The following MMP16 variants were observed in gnomAD, a reference collection of about 807,000 sequenced individuals.
MMP16 encodes matrix metalloproteinase-16.
In MMP16, 12 loss-of-function variants were observed where a neutral mutation model predicts 67.8. The observed-to-expected ratio is 0.18, with a 90% CI of 0.11 to 0.29. The LOEUF (loss-of-function observed/expected upper bound fraction) is 0.29. Ranked by LOEUF, MMP16 falls within the 10% of genes least tolerant of loss-of-function variation. The probability of loss-of-function intolerance (pLI) is 1.00; values close to 1 mark genes in which losing one functional copy is unlikely to be tolerated. For missense variants in MMP16, 475 were observed against 765.7 expected (o/e 0.62, Z 4.48); for synonymous variants, 249 against 255.9 (o/e 0.97, Z 0.26).
rs111969921 is a variant in MMP16, at chr8:88,172,005, T to G, written c.405-4032A>C. 5.4e-3 allele frequency among the ~76,000 whole-genome samples: 827 copies of G among 152,218 alleles called. 2 individuals carry two copies. Among genetic ancestry groups the G allele is most frequent in the African/African-American group, 0.019 (771 of 41,512 alleles). On this transcript the variant is annotated intron_variant, in intron 3 of 9. Transcript: ENST00000286614. The stretch of plus-strand genomic sequence containing the variant: ...GTACAGCCAGTGAATTTTTGTATTT[T>G]TGGTAGAGATGAGGTTTCACCATGT...
intron 4 of MMP16, among the ~76,000 whole-genome samples, chr8:88,146,044 T>C (rs1808284886): frequency 6.6e-6 from 1 of 152,042 alleles, no homozygotes; most frequent in Non-Finnish European, 1.5e-5. Context: ...TAATATCATC[T>C]TTCCCATATA....
chr8:88,308,225 C>T (rs1281847446), intron 1 of MMP16, among the ~76,000 whole-genome samples: 1 of 152,094 alleles, frequency 6.6e-6, no homozygotes, highest in Non-Finnish European at 1.5e-5. Context: ...TATCCAAGCT[C>T]CTTGACTTTA....
chr8:88,322,179 G>A (rs186497620), intron 1 of MMP16, among the ~76,000 whole-genome samples: 154 of 152,106 alleles, frequency 1.0e-3, no homozygotes, highest in African/African-American at 3.6e-3. Flanking sequence ...AAGGCCTACT[G>A]AATTATAAAG....
intron 1 of MMP16, among the ~76,000 whole-genome samples, chr8:88,250,627 G>T (rs559408316): frequency 1.3e-5 from 2 of 151,918 alleles, no homozygotes; most frequent in Admixed American, 6.6e-5. Context: ...AGACCAATTA[G>T]TAGGGGCTGA....
chr8:88,139,720 G>T (rs1166742542), intron 4 of MMP16, among the ~76,000 whole-genome samples: 4 of 151,768 alleles, frequency 2.6e-5, no homozygotes, highest in Non-Finnish European at 5.9e-5. Context: ...TAAAAAATTG[G>T]CCATGTTTCA....
At chr8:88,225,035 A>C (rs1809748415) in intron 1 of MMP16, among the ~76,000 whole-genome samples, 1 of 151,966 alleles carries the variant, frequency 6.6e-6, no homozygotes, top group African/African-American at 2.4e-5. Flanking sequence ...CTAACACTTC[A>C]AATCATTTAT....
chr8:88,204,062 C>T (rs1004405689), intron 1 of MMP16, among the ~76,000 whole-genome samples: 1 of 152,166 alleles, frequency 6.6e-6, no homozygotes, highest in Non-Finnish European at 1.5e-5. Flanking sequence ...CTCAGAAAGA[C>T]AGAAATTCAT....
intron 1 of MMP16, among the ~76,000 whole-genome samples, chr8:88,250,777 TTAA>T (rs1232861120): frequency 6.6e-6 from 1 of 151,702 alleles, no homozygotes; most frequent in East Asian, 1.9e-4. Flanking sequence ...CTTTTTTTTT[TTAA>T]TTTTTTTTTA....
intron 4 of MMP16, among the ~76,000 whole-genome samples, chr8:88,149,574 C>T (rs1453496282): frequency 2.0e-5 from 3 of 152,130 alleles, no homozygotes; most frequent in Non-Finnish European, 2.9e-5. Context: ...AGCAGCCTAA[C>T]TGGGAGGCAC....
At chr8:88,188,623 T>C (rs1177935008) in intron 2 of MMP16, among the ~76,000 whole-genome samples, 1 of 152,138 alleles carries the variant, frequency 6.6e-6, no homozygotes, top group Non-Finnish European at 1.5e-5. Flanking sequence ...AAAGATTTCT[T>C]TGTCAAGTGT....
intron 3 of MMP16, among the ~76,000 whole-genome samples, chr8:88,184,930 T>G (rs2129750099): frequency 6.6e-6 from 1 of 152,196 alleles, no homozygotes; most frequent in South Asian, 2.1e-4. Flanking sequence ...GTATAATACT[T>G]TCTTAACTCT....
At chr8:88,240,152 C>A (rs1212382799) in intron 1 of MMP16, among the ~76,000 whole-genome samples, 1 of 152,158 alleles carries the variant, frequency 6.6e-6, no homozygotes, top group East Asian at 1.9e-4. Context: ...ACAGGAAATG[C>A]ACGGACATGA....
intron 1 of MMP16, among the ~76,000 whole-genome samples, chr8:88,213,339 G>A (rs772805593): frequency 7.2e-5 from 11 of 151,948 alleles, no homozygotes; most frequent in Non-Finnish European, 1.6e-4. Flanking sequence ...GTTTGAGAAT[G>A]AGAAAAAATG....
chr8:88,213,121 T>C (rs1165638234), intron 1 of MMP16, among the ~76,000 whole-genome samples: 1 of 152,124 alleles, frequency 6.6e-6, no homozygotes, highest in Non-Finnish European at 1.5e-5. Flanking sequence ...CTAAATGGAT[T>C]TGGGGGCTGT....
intron 4 of MMP16, among the ~76,000 whole-genome samples, chr8:88,145,061 T>A (rs1328718179): frequency 6.6e-6 from 1 of 152,030 alleles, no homozygotes; most frequent in Non-Finnish European, 1.5e-5. Flanking sequence ...CAAACACTAT[T>A]CTATTTTTAA....
intron 1 of MMP16, among the ~76,000 whole-genome samples, chr8:88,311,684 C>T (rs971577608): frequency 2.0e-5 from 3 of 151,160 alleles, no homozygotes; most frequent in Non-Finnish European, 4.4e-5. Context: ...GGATATAAAC[C>T]ATAATAGAAG....
At chr8:88,194,093 A>C (rs2129773844) in intron 2 of MMP16, among the ~76,000 whole-genome samples, 1 of 152,148 alleles carries the variant, frequency 6.6e-6, no homozygotes, top group African/African-American at 2.4e-5. Context: ...TATGACATTT[A>C]AGGTAATACC....
At chr8:88,216,656 T>G (rs542650486) in intron 1 of MMP16, among the ~76,000 whole-genome samples, 2 of 152,160 alleles carry the variant, frequency 1.3e-5, no homozygotes, top group African/African-American at 4.8e-5. Context: ...TTTTGGAGAA[T>G]GTCTATCAAG....
At chr8:88,125,655 T>C (rs1338590884) in intron 4 of MMP16, among the ~76,000 whole-genome samples, 1 of 151,962 alleles carries the variant, frequency 6.6e-6, no homozygotes, top group Non-Finnish European at 1.5e-5. Context: ...TTTAATGAAT[T>C]AGACCTGTCT....
Sources: gnomAD v4.1 joint callset for allele counts (sites outside exome capture counted in the v4.1 genomes callset) on GRCh38, gnomAD v4.1.1 for gene constraint, MANE v1.5 for transcripts, NCBI Gene and HGNC (gene_info 2026-07-23, HGNC 2026-07-21) for gene names.